CCNI: variants seen among roughly 807,000 people sequenced by gnomAD.
CCNI encodes cyclin I, also known as cyclin-I.
Under a neutral mutation model 34.1 loss-of-function variants are expected in CCNI, and 14 were observed. That is an observed-to-expected ratio of 0.41 (90% CI 0.27 to 0.64). The LOEUF (loss-of-function observed/expected upper bound fraction) is 0.64. CCNI is among the 30% of genes least tolerant of loss of function. The probability of loss-of-function intolerance (pLI) is 0.31; values close to 1 mark genes in which losing one functional copy is unlikely to be tolerated. For synonymous variants in CCNI, 154 were observed against 158.4 expected (o/e 0.97, Z 0.21); for missense variants, 385 against 440.5 (o/e 0.87, Z 1.13).
intron 1 of CCNI, 97 bp downstream of exon 1, chr4:77,075,375 T>C (rs958219792): frequency 1.2e-4 from 43 of 366,732 alleles, no homozygotes; most frequent in Non-Finnish European, 1.5e-4. Flanking sequence ...CCAAGGGCGC[T>C]GCCACGGGGG....
chr4:77,052,377 C>T (rs1727917808), intron 6 of CCNI, among the ~76,000 whole-genome samples: 1 of 152,098 alleles, frequency 6.6e-6, no homozygotes, highest in South Asian at 2.1e-4. Flanking sequence ...ACTACAAAGA[C>T]CACCACACTA....
intron 2 of CCNI, among the ~76,000 whole-genome samples, chr4:77,059,704 A>G (rs2109813632): frequency 6.6e-6 from 1 of 152,258 alleles, no homozygotes; most frequent in Non-Finnish European, 1.5e-5. Flanking sequence ...GGTATGGAAC[A>G]CTAGAAGTTA....
chr4:77,051,793 A>G (rs1249353332), intron 6 of CCNI, among the ~76,000 whole-genome samples: 1 of 152,180 alleles, frequency 6.6e-6, no homozygotes, highest in African/African-American at 2.4e-5. Flanking sequence ...TGTCAAGAGA[A>G]TATGTATTAT....
At chr4:77,061,387 C>A (rs1728595069) in intron 2 of CCNI, among the ~76,000 whole-genome samples, 1 of 152,156 alleles carries the variant, frequency 6.6e-6, no homozygotes, top group South Asian at 2.1e-4. Flanking sequence ...ATCAGGTGAA[C>A]TGTTTCTCAT....
chr4:77,059,292 TTAAAG>T (rs1728446325), intron 2 of CCNI, among the ~76,000 whole-genome samples: 1 of 151,912 alleles, frequency 6.6e-6, no homozygotes, highest in African/African-American at 2.4e-5. Context: ...GGGACACACT[TTAAAG>T]TAATAGTGAT....
At chr4:77,075,368 A>C (rs4252767) in intron 1 of CCNI, 104 bp downstream of exon 1, 149,778 of 300,996 alleles carry the variant, frequency 0.5, 39,314 homozygotes, top group African/African-American at 0.72. Context: ...CGCGCGGCCA[A>C]GGGCGCTGCC....
chr4:77,061,810 C>T (rs956326234), intron 2 of CCNI, among the ~76,000 whole-genome samples: 22 of 152,298 alleles, frequency 1.4e-4, no homozygotes, highest in African/African-American at 5.3e-4. Context: ...GCTGGGACTA[C>T]AGGCACCCGC....
At chr4:77,062,791 T>C (rs934772409) in intron 2 of CCNI, among the ~76,000 whole-genome samples, 2 of 152,312 alleles carry the variant, frequency 1.3e-5, no homozygotes, top group South Asian at 4.1e-4. Context: ...TCTGAAAGTA[T>C]GTGCCACTTT....
Position 77,055,460 on chromosome 4 carries a change from ATTTC to A in CCNI, c.460-84_460-81del, listed in dbSNP as rs1356432293. 13 of 909,018 alleles carry A rather than the reference ATTTC, an allele frequency of 1.4e-5. No individual in the cohort carries two copies. In the African/African-American group the frequency reaches 2.1e-4, roughly 15 times the overall value. 56.3% of individuals were successfully genotyped at this position (909,018 alleles called of 1,614,324 possible). On this transcript the variant is annotated intron_variant, in intron 5 of 6. Coordinates refer to ENST00000237654, the MANE Select transcript of CCNI (RefSeq NM_006835.3). The stretch of plus-strand genomic sequence containing the variant: ...TATAGAAATTGATGCAACCTATTCA[ATTTC>A]TTTTTTTTTTTTTTTTGAGACAGAG...
intron 6 of CCNI, among the ~76,000 whole-genome samples, chr4:77,049,609 T>G (rs1578230297): frequency 6.7e-6 from 1 of 149,838 alleles, no homozygotes; most frequent in Non-Finnish European, 1.5e-5. Context: ...GCCCAGGAGG[T>G]GGAGGTTGCA....
At chr4:77,068,634 C>T (rs1255793994) in intron 1 of CCNI, among the ~76,000 whole-genome samples, 1 of 152,134 alleles carries the variant, frequency 6.6e-6, no homozygotes, top group African/African-American at 2.4e-5. Context: ...ATTTGACTTT[C>T]TCAACTATGT....
chr4:77,067,822 A>G (rs1414147740), intron 1 of CCNI, among the ~76,000 whole-genome samples: 1 of 144,776 alleles, frequency 6.9e-6, no homozygotes, highest in Non-Finnish European at 1.5e-5. Flanking sequence ...AAAAAAAAGA[A>G]GCAAACTACA....
At chr4:77,074,204 T>A (rs910176012) in intron 1 of CCNI, among the ~76,000 whole-genome samples, 2 of 152,172 alleles carry the variant, frequency 1.3e-5, no homozygotes, top group African/African-American at 4.8e-5. Flanking sequence ...CATTACCACA[T>A]AAACTACCTG....
chr4:77,052,711 T>C (rs1727949087), intron 6 of CCNI, among the ~76,000 whole-genome samples: 1 of 152,148 alleles, frequency 6.6e-6, no homozygotes, highest in South Asian at 2.1e-4. Flanking sequence ...CTTTCCTATA[T>C]TAAAACCAGA....
chr4:77,053,067 A>G (rs1727976302), intron 6 of CCNI, among the ~76,000 whole-genome samples: 1 of 152,186 alleles, frequency 6.6e-6, no homozygotes, highest in Non-Finnish European at 1.5e-5. Flanking sequence ...CTAAACCTAC[A>G]CTACATAGGT....
intron 1 of CCNI, among the ~76,000 whole-genome samples, chr4:77,072,596 C>A (rs575573523): frequency 2.8e-5 from 4 of 143,420 alleles, no homozygotes; most frequent in Non-Finnish European, 6.0e-5. Context: ...ATGATTACAG[C>A]ACCTCACTCC....
chr4:77,048,798 C>CA (rs1171338767), intron 6 of CCNI, 136 bp from the exon 7 acceptor site: 1 of 506,018 alleles, frequency 2.0e-6, no homozygotes, highest in Non-Finnish European at 3.4e-6. Context: ...CATCTACCTC[C>CA]AACTCATTTA....
Position 77,056,051 on chromosome 4 carries a change from A to G in CCNI, c.370T>C (p.Ser124Pro). The change falls in exon 5 of 7, where the codon TCA becomes CCA. Residue 124 changes from serine (S) to proline (P), a missense_variant. By Grantham distance (74) the Ser-to-Pro change is moderately conservative. Transcript: ENST00000237654. ...CTCTCCATTCTCAAAATTTCAGATG[A>G]GGAACATCCACAGAAACTGTCTCTT... ...LARDSFCGCS[S>P]SEILRMERII... 1 of 1,613,674 alleles carries G rather than the reference A, an allele frequency of 6.2e-7. No individual in the cohort carries two copies. The highest frequency in any genetic ancestry group is 8.5e-7 in the Non-Finnish European group (1 of 1,179,626).
In CCNI at chr4:77,048,083, TTTA is replaced by T. The variant is rs1485460106; in HGVS notation, c.*133_*135del. On this transcript the variant is annotated 3_prime_UTR_variant, in exon 7 of 7. Transcript: ENST00000237654. Reference sequence around the variant, plus strand: ...AATTAGCCACACAAATAATGAGAGTTTTATTTTTTTTTTCTGGCTCACTCCAAA... The same window carrying T: ...AATTAGCCACACAAATAATGAGAGTTTTTTTTTTTTCTGGCTCACTCCAAA... 5 of 579,900 alleles carry T rather than the reference TTTA, an allele frequency of 8.6e-6. No homozygotes were observed. The highest frequency in any genetic ancestry group is 7.4e-5 in the African/African-American group (4 of 53,854). The allele number at this position is 579,900 out of a possible 1,614,324, so 35.9% of individuals were successfully genotyped here.
Sources: gnomAD v4.1 joint callset for allele counts (sites outside exome capture counted in the v4.1 genomes callset) on GRCh38, gnomAD v4.1.1 for gene constraint, MANE v1.5 for transcripts, NCBI Gene and HGNC (gene_info 2026-07-23, HGNC 2026-07-21) for gene names.